Variants in DLGAP1 observed in about 807,000 individuals in gnomAD.
DLGAP1 encodes DLG associated protein 1, also known as disks large-associated protein 1.
Under a neutral mutation model 90.8 loss-of-function variants are expected in DLGAP1, and 11 were observed. The ratio of observed to expected loss-of-function variants is 0.12; its 90% confidence interval spans 0.08 to 0.20. The LOEUF (loss-of-function observed/expected upper bound fraction) is 0.20. Among genes scored for constraint, DLGAP1 ranks in the 10% least tolerant of loss-of-function variants. DLGAP1 has a pLI of 1.00. For synonymous variants in DLGAP1, 558 were observed against 540.7 expected (o/e 1.03, Z -0.44); for missense variants, 1,050 against 1,333.8 (o/e 0.79, Z 3.31).
At chr18:4,055,220 C>T (rs1277684297) in intron 2 of DLGAP1, among the ~76,000 whole-genome samples, 1 of 152,174 alleles carries the variant, frequency 6.6e-6, no homozygotes, top group Non-Finnish European at 1.5e-5. Flanking sequence ...TTTCCAAGTT[C>T]ACCACAGCGG....
chr18:3,971,674 C>T (rs2073453585), intron 3 of DLGAP1, among the ~76,000 whole-genome samples: 1 of 152,102 alleles, frequency 6.6e-6, no homozygotes, highest in African/African-American at 2.4e-5. Flanking sequence ...CTAAGCTGTA[C>T]TAAGGATAAC....
intron 1 of DLGAP1, among the ~76,000 whole-genome samples, chr18:4,228,100 GA>G (rs2145029910): frequency 6.7e-6 from 1 of 150,104 alleles, no homozygotes; most frequent in African/African-American, 2.4e-5. Flanking sequence ...AGAAAAACTA[GA>G]AGAAATGAAA....
intron 7 of DLGAP1, among the ~76,000 whole-genome samples, chr18:3,623,803 A>C (rs1791372): frequency 1.4e-4 from 20 of 144,514 alleles, no homozygotes; most frequent in South Asian, 2.2e-4. Context: ...AAAAAGGAAA[A>C]CCCCCCTAGA....
chr18:4,433,852 CAA>C (rs1160996068), intron 1 of DLGAP1, among the ~76,000 whole-genome samples: 1 of 151,576 alleles, frequency 6.6e-6, no homozygotes, highest in Admixed American at 6.6e-5. Flanking sequence ...AAAGCTCTGC[CAA>C]AAAAAATCAG....
intron 1 of DLGAP1, among the ~76,000 whole-genome samples, chr18:4,304,208 A>G (rs2143317627): frequency 6.6e-6 from 1 of 152,296 alleles, no homozygotes; most frequent in South Asian, 2.1e-4. Flanking sequence ...AAAGTTCTGG[A>G]GATTGATGGT....
chr18:4,310,533 C>T (rs1378946645), intron 1 of DLGAP1, among the ~76,000 whole-genome samples: 1 of 152,174 alleles, frequency 6.6e-6, no homozygotes, highest in African/African-American at 2.4e-5. Context: ...AGGTTAGGTA[C>T]TCCTTTTATG....
chr18:4,305,798 G>A (rs942204110), intron 1 of DLGAP1, among the ~76,000 whole-genome samples: 10 of 152,134 alleles, frequency 6.6e-5, no homozygotes, highest in African/African-American at 2.2e-4. Flanking sequence ...ATCACATTAT[G>A]ATATTACCTA....
At chr18:4,139,868 CTTTA>C (rs1568417173) in intron 2 of DLGAP1, among the ~76,000 whole-genome samples, 2 of 151,680 alleles carry the variant, frequency 1.3e-5, no homozygotes, top group African/African-American at 2.4e-5. Context: ...TAATAACCTT[CTTTA>C]TTTCTTTTTA....
chr18:3,736,500 A>C (rs1049527785), intron 6 of DLGAP1, among the ~76,000 whole-genome samples: 1 of 152,146 alleles, frequency 6.6e-6, no homozygotes, highest in Non-Finnish European at 1.5e-5. Context: ...ATAATGTGTC[A>C]GGTTTTAAAG....
At chr18:3,858,494 G>GTATA (rs1403930860) in intron 4 of DLGAP1, among the ~76,000 whole-genome samples, 2 of 147,112 alleles carry the variant, frequency 1.4e-5, no homozygotes, top group East Asian at 2.0e-4. Flanking sequence ...ATATATACGT[G>GTATA]TATATATACA....
At chr18:4,432,476 T>G (rs8091942) in intron 1 of DLGAP1, among the ~76,000 whole-genome samples, 47,543 of 114,024 alleles carry the variant, frequency 0.42, 7,618 homozygotes, top group East Asian at 0.55. Context: ...AACTAGATAT[T>G]GAAATAAATT....
chr18:4,130,908 T>A (rs1020754937), intron 2 of DLGAP1, among the ~76,000 whole-genome samples: 3 of 152,062 alleles, frequency 2.0e-5, no homozygotes, highest in African/African-American at 7.2e-5. Flanking sequence ...CCACTCTGAT[T>A]GGCGAGGATG....
intron 4 of DLGAP1, among the ~76,000 whole-genome samples, chr18:3,820,689 A>T (rs1269451930): frequency 6.6e-6 from 1 of 152,250 alleles, no homozygotes; most frequent in Non-Finnish European, 1.5e-5. Context: ...AGAGTTGGGC[A>T]TCTGACATTC....
intron 4 of DLGAP1, among the ~76,000 whole-genome samples, chr18:3,829,275 T>C (rs758353896): frequency 6.6e-6 from 1 of 152,236 alleles, no homozygotes; most frequent in East Asian, 1.9e-4. Context: ...AAGTAACATA[T>C]GACATGCTAA....
At chr18:3,900,001 A>G (rs1238802574) in intron 3 of DLGAP1, among the ~76,000 whole-genome samples, 1 of 152,248 alleles carries the variant, frequency 6.6e-6, no homozygotes, top group Non-Finnish European at 1.5e-5. Flanking sequence ...AACAAAAAAC[A>G]AAACCAAAAA....
intron 4 of DLGAP1, among the ~76,000 whole-genome samples, chr18:3,860,814 T>C (rs1207304689): frequency 6.6e-6 from 1 of 152,176 alleles, no homozygotes; most frequent in East Asian, 1.9e-4. Context: ...TATTGAGAGA[T>C]TAACAAATAA....
chr18:3,954,825 C>A (rs973755021), intron 3 of DLGAP1, among the ~76,000 whole-genome samples: 2 of 152,212 alleles, frequency 1.3e-5, no homozygotes, highest in Non-Finnish European at 2.9e-5. Context: ...ACTGGACATG[C>A]GGACAATGAA....
chr18:4,395,181 T>C (rs1285280779), intron 1 of DLGAP1, among the ~76,000 whole-genome samples: 1 of 152,248 alleles, frequency 6.6e-6, no homozygotes, highest in Non-Finnish European at 1.5e-5. Flanking sequence ...TTGGGAATTC[T>C]TTACCTAAGT....
chr18:4,070,349 C>T (rs909157272), intron 2 of DLGAP1, among the ~76,000 whole-genome samples: 2 of 152,008 alleles, frequency 1.3e-5, no homozygotes, highest in Admixed American at 6.6e-5. Flanking sequence ...GGTACCTCCA[C>T]AGAAATCTTT....
Sources: allele counts gnomAD v4.1 joint callset (sites outside exome capture counted in the v4.1 genomes callset), GRCh38; gene constraint gnomAD v4.1.1; transcripts MANE v1.5; gene names NCBI Gene and HGNC (gene_info 2026-07-23, HGNC 2026-07-21).